CYP2W1: variants seen among roughly 807,000 people sequenced by gnomAD.
CYP2W1 encodes the protein cytochrome P450 family 2 subfamily W member 1.
A neutral mutation model predicts 44.9 loss-of-function variants in CYP2W1; 51 were observed. The observed-to-expected ratio is 1.14, with a 90% confidence interval of 0.91 to 1.43. CYP2W1 has a LOEUF of 1.43. Ranked by LOEUF, CYP2W1 falls within the 40% of genes most tolerant of loss-of-function variation. CYP2W1 has a pLI of 0.00. For missense variants in CYP2W1, 746 were observed against 700.0 expected (o/e 1.07, Z -0.74); for synonymous variants, 383 against 338.3 (o/e 1.13, Z -1.45).
chr7:988,452 C>T (rs1269934750), intron 8 of CYP2W1, 34 bp downstream of exon 8: 2 of 1,610,970 alleles, frequency 1.2e-6, no homozygotes, highest in South Asian at 1.1e-5. Context: ...TGGGGCGGCA[C>T]CTCCAGGGCT....
At position 989,158 on chromosome 7, in the gene CYP2W1, G is replaced by T. The variant is rs1349744763; in HGVS notation, c.*336G>T. ...AGGGCCCCCCAGCACCTACAGCTGG[G>T]GCTGCAGGGAGACAACGGGTGGCTG... On this transcript the variant is annotated 3_prime_UTR_variant, in exon 9 of 9. Transcript: ENST00000308919. The T allele has an allele frequency of 2.9e-6, 1 of 340,740 alleles. No homozygotes were observed. The highest frequency in any genetic ancestry group is 2.1e-5 in the African/African-American group (1 of 47,890). The allele number at this position is 340,740 out of a possible 1,614,324, so 21.1% of individuals were successfully genotyped here. A position where few individuals can be genotyped will look rare whatever the true frequency, so the allele number is the denominator to read the frequency against.
intron 7 of CYP2W1, 21 bp from the exon 8 acceptor site, chr7:988,254 CTG>C: frequency 6.4e-7 from 1 of 1,559,286 alleles, no homozygotes. Context: ...GCCCCTCTCT[CTG>C]TGCCCCGGCT....
chr7:984,642 G>C, intron 2 of CYP2W1, 68 bp downstream of exon 2: 2 of 1,502,406 alleles, frequency 1.3e-6, no homozygotes, highest in African/African-American at 1.4e-5. Flanking sequence ...GAGGGGTGGG[G>C]GCTCCAGCAG....
At chr7:988,139 G>A (rs1477206517) in intron 7 of CYP2W1, 138 bp from the exon 8 acceptor site, 2 of 1,061,132 alleles carry the variant, frequency 1.9e-6, no homozygotes, top group Non-Finnish European at 2.6e-6. Flanking sequence ...CTGGGTTTGG[G>A]TGCCTCACCT....
chr7:988,640 C>A lies in CYP2W1; in HGVS notation c.1291C>A (p.Arg431Ser), dbSNP rs763413932. 4.4e-6 allele frequency: 7 copies of A among 1,602,632 alleles called. No homozygotes were observed. The East Asian group carries it at 1.6e-4, about 36-fold the overall frequency. The change falls in exon 9 of 9, where the codon CGC (arginine) becomes AGC (serine). Residue 431 changes from arginine to serine, a missense_variant. Coordinates refer to ENST00000308919, the MANE Select transcript of CYP2W1 (RefSeq NM_017781.3). ...EAFLPFSAGR[R>S]VCVGERLART... The stretch of plus-strand genomic sequence containing the variant: ...TGCCTGGACATCCCCCGCAGGCCGC[C>A]GCGTCTGTGTTGGGGAGCGCCTGGC...
rs988772253 is a variant in CYP2W1, at chr7:988,272, C to T, written c.1144-5C>T. 1 of 1,575,722 alleles carries T rather than the reference C, an allele frequency of 6.3e-7. No individual in the cohort carries two copies. Among genetic ancestry groups the T allele is most frequent in the East Asian group, 2.3e-5 (1 of 44,298 alleles). ...CCTCTCTCTGTGCCCCGGCTGCCCC[C>T]ACAGGGCACGCCCGTGATTCCCCTG... On this transcript the variant is annotated splice_region_variant and splice_polypyrimidine_tract_variant and intron_variant, in intron 7 of 8. Coordinates refer to ENST00000308919, the MANE Select transcript of CYP2W1 (RefSeq NM_017781.3).
rs1166152407 is a variant in CYP2W1 at position 989,137 on chromosome 7, C to T, written c.*315C>T. Reference sequence around the variant, plus strand: ...CCCACCCACCTAGCTCCCCCCAGGGCCCCCCAGCACCTACAGCTGGGGCTG... The same window carrying T: ...CCCACCCACCTAGCTCCCCCCAGGGTCCCCCAGCACCTACAGCTGGGGCTG... On this transcript the variant is annotated 3_prime_UTR_variant, in exon 9 of 9. Transcript: ENST00000308919. 4 of 379,520 alleles carry T rather than the reference C, an allele frequency of 1.1e-5. No homozygotes were observed. 23.5% of individuals were successfully genotyped at this position (379,520 alleles called of 1,614,324 possible).
At chr7:984,615 G>C (rs771144248) in intron 2 of CYP2W1, 41 bp downstream of exon 2, 2 of 1,535,862 alleles carry the variant, frequency 1.3e-6, no homozygotes, top group Non-Finnish European at 1.7e-6. Flanking sequence ...CTGGGTGTGG[G>C]GGCACCTGGA....
rs200956100 is a variant in CYP2W1, at chr7:983,206, G to C, written c.-6G>C. The C allele has an allele frequency of 1.3e-6, 2 of 1,491,334 alleles. No homozygotes were observed. Among genetic ancestry groups the C allele is most frequent in the African/African-American group, 2.8e-5 (2 of 70,920 alleles). 92.4% of individuals were successfully genotyped at this position (1,491,334 alleles called of 1,614,324 possible). A position where few individuals can be genotyped will look rare whatever the true frequency, so the allele number is the denominator to read the frequency against. On this transcript the variant is annotated 5_prime_UTR_variant, in exon 1 of 9. Coordinates refer to ENST00000308919, the MANE Select transcript of CYP2W1 (RefSeq NM_017781.3). ...AGGGGAGTGGAGCCTCACCAGCCAC[G>C]TCCTCATGGCCCTGCTGCTCTTGCT... is the stretch of plus-strand genomic sequence containing the variant.
intron 2 of CYP2W1, 38 bp downstream of exon 2, chr7:984,612 T>TGG (rs769549569): frequency 1.8e-5 from 28 of 1,535,394 alleles, no homozygotes; most frequent in Non-Finnish European, 2.4e-5. Flanking sequence ...CTACTGGGTG[T>TGG]GGGGGCACCT....
Position 987,210 on chromosome 7 carries a change from C to G in CYP2W1, c.923C>G (p.Ala308Gly), listed in dbSNP as rs1365848476. The G allele has an allele frequency of 6.5e-7, 1 of 1,545,694 alleles. No individual in the cohort carries two copies. Among genetic ancestry groups the G allele is most frequent in the East Asian group, 2.4e-5 (1 of 40,950 alleles). The change falls in exon 6 of 9, where the codon GCC (alanine) becomes GGC (glycine). Residue 308 changes from alanine to glycine, a missense_variant. Transcript: ENST00000308919. ...TETTSATLQWAALLMGRHPDV... is the reference protein window; with the variant it reads ...TETTSATLQWGALLMGRHPDV... Reference sequence around the variant, plus strand: ...ACGACCTCGGCCACGCTGCAGTGGGCCGCACTTCTGATGGGCCGGCACCCG... The same window carrying G: ...ACGACCTCGGCCACGCTGCAGTGGGGCGCACTTCTGATGGGCCGGCACCCG...
chr7:989,238 C>T lies in CYP2W1; in HGVS notation c.*416C>T, dbSNP rs1583248038. On this transcript the variant is annotated 3_prime_UTR_variant, in exon 9 of 9. Coordinates refer to ENST00000308919, the MANE Select transcript of CYP2W1 (RefSeq NM_017781.3). The stretch of plus-strand genomic sequence containing the variant: ...GTCCTCAGCGTGCGAGCCCTGCACC[C>T]CCCAGGTCCTGGGACTCCTGCAGAC... 1 of 202,176 alleles carries T rather than the reference C, an allele frequency of 4.9e-6. No individual in the cohort carries two copies. The allele number at this position is 202,176 out of a possible 1,614,324, so 12.5% of individuals were successfully genotyped here. A position where few individuals can be genotyped will look rare whatever the true frequency, so the allele number is the denominator to read the frequency against.
At chr7:985,395 GC>G in intron 4 of CYP2W1, 72 bp downstream of exon 4, 2 of 1,491,250 alleles carry the variant, frequency 1.3e-6, no homozygotes, top group Non-Finnish European at 1.8e-6. Context: ...GAGGACGGGG[GC>G]CCCAGTGCTG....
chr7:988,802 T>C lies in CYP2W1; in HGVS notation c.1453T>C (p.Cys485Arg), dbSNP rs376719334. ...FTMRPRAQAL[C>R]AVPRP ...CATGAGGCCGAGGGCCCAGGCCCTGTGTGCGGTGCCCAGGCCCTAGGAGCT... is the reference window on the plus strand; with the variant it reads ...CATGAGGCCGAGGGCCCAGGCCCTGCGTGCGGTGCCCAGGCCCTAGGAGCT... Residue 485 changes from cysteine to arginine, a missense_variant, in exon 9 of 9, where the codon TGT (cysteine) becomes CGT (arginine). Cys to Arg is a radical substitution (Grantham distance 180). Transcript: ENST00000308919. 9.2e-5 allele frequency: 146 copies of C among 1,587,308 alleles called. No homozygotes were observed. The highest frequency in any genetic ancestry group is 8.2e-4 in the Middle Eastern group (4 of 4,890).
Position 987,123 on chromosome 7 carries a change from G to T in CYP2W1, c.836G>T (p.Gly279Val), listed in dbSNP as rs749247516. 1.1e-5 allele frequency: 17 copies of T among 1,564,234 alleles called. 1 individual carries two copies. The East Asian group carries it at 4.0e-4, about 36-fold the overall frequency. The change falls in exon 6 of 9, where the codon GGC becomes GTC. Residue 279 changes from glycine (G) to valine (V), a missense_variant. By Grantham distance (109) the Gly-to-Val change is moderately radical. Coordinates refer to ENST00000308919, the MANE Select transcript of CYP2W1 (RefSeq NM_017781.3). ...IQQGQGDDPE[G>V]LFAEANAVAC... Reference sequence around the variant, plus strand: ...CCTCTGCAGGGGGATGACCCCGAGGGCCTGTTTGCTGAGGCCAACGCGGTG... The same window carrying T: ...CCTCTGCAGGGGGATGACCCCGAGGTCCTGTTTGCTGAGGCCAACGCGGTG...
rs1848252729 is a variant in CYP2W1 at position 985,335 on chromosome 7, C to A, written c.645+12C>A. 1 of 1,547,918 alleles carries A rather than the reference C, an allele frequency of 6.5e-7. No homozygotes were observed. Among genetic ancestry groups the A allele is most frequent in the Non-Finnish European group, 8.7e-7 (1 of 1,145,136 alleles). ...CCCCTGGCCTGCAGGTGAGGAGCTG[C>A]CTCCCATCCTTGGGGTGGGGTGGAG... On this transcript the variant is annotated intron_variant, in intron 4 of 8. Transcript: ENST00000308919.
chr7:988,575 C>T, intron 8 of CYP2W1, 60 bp from the exon 9 acceptor site: 1 of 1,597,282 alleles, frequency 6.3e-7, no homozygotes, highest in South Asian at 1.1e-5. Flanking sequence ...GAGGTCCCCA[C>T]CCCTCCCCTC....
At chr7:984,654 G>A (rs957350023) in intron 2 of CYP2W1, 80 bp downstream of exon 2, 266 of 1,492,916 alleles carry the variant, frequency 1.8e-4, no homozygotes, top group Middle Eastern at 1.2e-3. Context: ...CTCCAGCAGC[G>A]GGAGAGGCTC....
chr7:984,342 C>G, intron 1 of CYP2W1, 70 bp from the exon 2 acceptor site: 1 of 1,489,710 alleles, frequency 6.7e-7, no homozygotes, highest in Non-Finnish European at 8.8e-7. Context: ...AGCACAGGCC[C>G]GGCCTGAGGG....
Sources: gnomAD v4.1 joint callset for allele counts on GRCh38, gnomAD v4.1.1 for gene constraint, MANE v1.5 for transcripts, NCBI Gene and HGNC (gene_info 2026-07-23, HGNC 2026-07-21) for gene names.